Variants in AGBL4 observed in about 807,000 individuals in gnomAD.
AGBL4 encodes the protein AGBL carboxypeptidase 4.
Under a neutral mutation model 66.4 loss-of-function variants are expected in AGBL4, and 58 were observed. The observed-to-expected ratio is 0.87, with a 90% CI of 0.71 to 1.09. The LOEUF (loss-of-function observed/expected upper bound fraction) is 1.09. Ranked by LOEUF, AGBL4 falls within the 50% of genes least tolerant of loss-of-function variation. The probability of loss-of-function intolerance (pLI) is 0.00; values close to 1 mark genes in which losing one functional copy is unlikely to be tolerated. For missense variants in AGBL4, 579 were observed against 631.0 expected, an observed-to-expected ratio of 0.92 and a Z score of 0.88; for synonymous variants, 234 against 222.9, an observed-to-expected ratio of 1.05 and a Z score of -0.44.
intron 3 of AGBL4, among the ~76,000 whole-genome samples, chr1:49,618,637 T>C (rs915548443): frequency 2.6e-5 from 4 of 152,268 alleles, no homozygotes; most frequent in East Asian, 1.9e-4. Context: ...ATCATCCTGA[T>C]ACCAAAAGCT....
chr1:48,587,109 C>T lies in AGBL4; in HGVS notation c.1162G>A (p.Gly388Ser), dbSNP rs1335487849. The T allele has an allele frequency of 5.7e-6, 9 of 1,579,204 alleles. No homozygotes were observed. The highest frequency in any genetic ancestry group is 1.9e-5 in the Admixed American group (1 of 54,020). ...VKAGTGRRFLGGLLDHTSYCY... is the reference protein window; with the variant it reads ...VKAGTGRRFLSGLLDHTSYCY... ...TAGGAAGTGTGGTCCAGGAGTCCACCGAGGAAGCGACGGCCAGTTCCTGCT... is the reference window on the plus strand; with the variant it reads ...TAGGAAGTGTGGTCCAGGAGTCCACTGAGGAAGCGACGGCCAGTTCCTGCT... The change falls in exon 11 of 14, where the codon GGT (glycine) becomes AGT (serine). Residue 388 changes from glycine (G) to serine (S), a missense_variant. Gly to Ser is a moderately conservative substitution (Grantham distance 56). Coordinates refer to ENST00000371839, the MANE Select transcript of AGBL4 (RefSeq NM_032785.4).
At chr1:49,363,592 G>C (rs1570528123) in intron 3 of AGBL4, among the ~76,000 whole-genome samples, 1 of 152,136 alleles carries the variant, frequency 6.6e-6, no homozygotes, top group Non-Finnish European at 1.5e-5. Flanking sequence ...TGCCACTAGG[G>C]GGGAGTTACG....
At chr1:49,472,323 T>A (rs1646761483) in intron 3 of AGBL4, among the ~76,000 whole-genome samples, 1 of 151,904 alleles carries the variant, frequency 6.6e-6, no homozygotes, top group African/African-American at 2.4e-5. Flanking sequence ...TTAAATGAAA[T>A]GAGAAAAATG....
At chr1:49,302,608 T>TTTATTTTATTTTTTTA (rs1644770206) in intron 3 of AGBL4, among the ~76,000 whole-genome samples, 3 of 110,126 alleles carry the variant, frequency 2.7e-5, no homozygotes, top group Non-Finnish European at 5.6e-5. Context: ...TTATTTTATT[T>TTTATTTTATTTTTTTA]TTTTATTTTA....
chr1:49,810,468 T>A (rs1645074034), intron 2 of AGBL4, among the ~76,000 whole-genome samples: 1 of 152,182 alleles, frequency 6.6e-6, no homozygotes, highest in Non-Finnish European at 1.5e-5. Flanking sequence ...AAAGTTTTTA[T>A]GGATAAAATG....
chr1:49,753,702 T>G (rs1651657403), intron 2 of AGBL4, among the ~76,000 whole-genome samples: 1 of 152,186 alleles, frequency 6.6e-6, no homozygotes, highest in South Asian at 2.1e-4. Context: ...CTTTCAGGTA[T>G]GCCAATCAAA....
At chr1:48,589,189 A>G (rs1293219074) in intron 10 of AGBL4, among the ~76,000 whole-genome samples, 2 of 152,170 alleles carry the variant, frequency 1.3e-5, no homozygotes, top group Admixed American at 6.5e-5. Flanking sequence ...CTTTGATTCT[A>G]TCATTAAATG....
intron 1 of AGBL4, among the ~76,000 whole-genome samples, chr1:49,936,758 G>A (rs1483062999): frequency 6.6e-6 from 1 of 152,046 alleles, no homozygotes; most frequent in East Asian, 1.9e-4. Context: ...AAGTGAAGGA[G>A]AAATAAAATC....
chr1:48,728,574 G>A (rs566168415), intron 6 of AGBL4, among the ~76,000 whole-genome samples: 1 of 148,634 alleles, frequency 6.7e-6, no homozygotes, highest in Non-Finnish European at 1.5e-5. Flanking sequence ...GATGAGTAGT[G>A]TTCTATTGTA....
chr1:48,643,618 G>A (rs983447801), intron 8 of AGBL4, among the ~76,000 whole-genome samples: 3 of 152,210 alleles, frequency 2.0e-5, no homozygotes, highest in African/African-American at 4.8e-5. Flanking sequence ...GACCTATCTC[G>A]TAGGTTCATG....
intron 3 of AGBL4, among the ~76,000 whole-genome samples, chr1:49,657,798 T>C (rs1263405924): frequency 6.6e-6 from 1 of 152,178 alleles, no homozygotes; most frequent in East Asian, 1.9e-4. Flanking sequence ...GAAAACTGGC[T>C]AGCCATATGT....
intron 6 of AGBL4, among the ~76,000 whole-genome samples, chr1:48,669,034 C>A (rs1433857823): frequency 2.0e-5 from 3 of 152,124 alleles, no homozygotes; most frequent in Admixed American, 6.6e-5. Context: ...GTGAGGGACA[C>A]TGAGGAGGAC....
At chr1:49,017,693 C>A (rs1036265460) in intron 5 of AGBL4, among the ~76,000 whole-genome samples, 1 of 152,126 alleles carries the variant, frequency 6.6e-6, no homozygotes, top group African/African-American at 2.4e-5. Flanking sequence ...CAATAACTAC[C>A]TCTGAGTATA....
At chr1:49,608,032 G>GA (rs1449024037) in intron 3 of AGBL4, among the ~76,000 whole-genome samples, 1 of 152,140 alleles carries the variant, frequency 6.6e-6, no homozygotes, top group Non-Finnish European at 1.5e-5. Flanking sequence ...GCCAGACTCA[G>GA]TGTTACTGGG....
chr1:49,071,470 C>T (rs1055284345), intron 4 of AGBL4, among the ~76,000 whole-genome samples: 2 of 151,946 alleles, frequency 1.3e-5, no homozygotes, highest in Non-Finnish European at 2.9e-5. Context: ...TTTCAAAGGA[C>T]ATCTTTATTT....
intron 2 of AGBL4, among the ~76,000 whole-genome samples, chr1:49,752,750 C>T (rs1351178402): frequency 6.6e-6 from 1 of 152,210 alleles, no homozygotes; most frequent in Non-Finnish European, 1.5e-5. Context: ...TCTGGGTCCT[C>T]CTCTATTCTG....
At chr1:49,371,290 C>T (rs868341936) in intron 3 of AGBL4, among the ~76,000 whole-genome samples, 8 of 129,242 alleles carry the variant, frequency 6.2e-5, no homozygotes, top group South Asian at 2.4e-4. Flanking sequence ...CATACATACA[C>T]ACACACACAT....
intron 6 of AGBL4, among the ~76,000 whole-genome samples, chr1:48,858,137 T>C (rs1193523306): frequency 2.6e-5 from 4 of 152,162 alleles, no homozygotes; most frequent in Admixed American, 2.6e-4. Flanking sequence ...GAGATACCAC[T>C]TTACACCCAT....
chr1:49,677,561 ACT>A (rs1357576550), intron 3 of AGBL4, among the ~76,000 whole-genome samples: 1 of 151,760 alleles, frequency 6.6e-6, no homozygotes, highest in Non-Finnish European at 1.5e-5. Context: ...TTTAACTTGC[ACT>A]CTCTTTGTTC....
Sources: gnomAD v4.1 joint callset for allele counts (sites outside exome capture counted in the v4.1 genomes callset) on GRCh38, gnomAD v4.1.1 for gene constraint, MANE v1.5 for transcripts, NCBI Gene and HGNC (gene_info 2026-07-23, HGNC 2026-07-21) for gene names.